AKAP7: variants seen among roughly 807,000 people sequenced by gnomAD.
The protein encoded by AKAP7 is A-kinase anchoring protein 7, also known as A kinase (PRKA) anchor protein 7.
AKAP7 carries 39 observed loss-of-function variants against 39.5 expected under a neutral mutation model. The observed-to-expected ratio is 0.99, with a 90% CI of 0.76 to 1.29. AKAP7 has a LOEUF of 1.29. Among genes scored for constraint, AKAP7 ranks in the 50% most tolerant of loss-of-function variants. The probability of loss-of-function intolerance (pLI) is 0.00; values close to 1 mark genes in which losing one functional copy is unlikely to be tolerated. For synonymous variants in AKAP7, 140 were observed against 139.1 expected (o/e 1.01, Z -0.05); for missense variants, 414 against 407.7 (o/e 1.02, Z -0.13).
intron 7 of AKAP7, among the ~76,000 whole-genome samples, chr6:131,256,133 C>T (rs1211384339): frequency 2.0e-5 from 3 of 152,170 alleles, no homozygotes; most frequent in Non-Finnish European, 4.4e-5. Context: ...CATCTGCTGC[C>T]CTCTTTCTGA....
chr6:131,266,704 TG>T (rs199655770), intron 7 of AKAP7, among the ~76,000 whole-genome samples: 18,934 of 149,744 alleles, frequency 0.13, 1,460 homozygotes, highest in East Asian at 0.25. Flanking sequence ...TTGTTGTTGT[TG>T]TTGTTTTTTA....
chr6:131,224,588 T>G (rs1433728429), intron 7 of AKAP7, among the ~76,000 whole-genome samples: 3 of 152,128 alleles, frequency 2.0e-5, no homozygotes, highest in Admixed American at 2.0e-4. Context: ...TTCCTATCTT[T>G]GTTAATGGTA....
intron 7 of AKAP7, among the ~76,000 whole-genome samples, chr6:131,238,172 T>A (rs975626643): frequency 2.6e-5 from 4 of 152,222 alleles, no homozygotes; most frequent in African/African-American, 9.6e-5. Flanking sequence ...TACCCAGTAG[T>A]CATTCAGGAG....
intron 5 of AKAP7, among the ~76,000 whole-genome samples, chr6:131,171,940 T>C (rs1242827025): frequency 6.6e-6 from 1 of 152,090 alleles, no homozygotes; most frequent in East Asian, 1.9e-4. Context: ...GGCTGAAGAT[T>C]AGAGTTAGTA....
intron 3 of AKAP7, among the ~76,000 whole-genome samples, chr6:131,160,910 A>G (rs1164195106): frequency 2.0e-5 from 3 of 152,314 alleles, no homozygotes; most frequent in African/African-American, 7.2e-5. Context: ...TCTCATTACA[A>G]CCACTGAAGC....
intron 7 of AKAP7, among the ~76,000 whole-genome samples, chr6:131,259,896 T>A (rs2128325445): frequency 6.6e-6 from 1 of 152,298 alleles, no homozygotes; most frequent in Non-Finnish European, 1.5e-5. Context: ...CATCAACCCA[T>A]CACCCAGGTA....
chr6:131,206,239 C>G (rs902299322), intron 6 of AKAP7, among the ~76,000 whole-genome samples: 1 of 152,160 alleles, frequency 6.6e-6, no homozygotes, highest in Non-Finnish European at 1.5e-5. Context: ...TGATTTATGA[C>G]TCTTTCAAAT....
rs536486381 is a variant in AKAP7 at position 131,259,410 on chromosome 6, C to G, written c.851-22120C>G. On this transcript the variant is annotated intron_variant, in intron 7 of 7. Transcript: ENST00000431975. ...CAAGAGGAAAGCTGAAGGACTCAGGCAGCTTAGCTGGGAGGAGAGAAGGTA... is the reference window on the plus strand; with the variant it reads ...CAAGAGGAAAGCTGAAGGACTCAGGGAGCTTAGCTGGGAGGAGAGAAGGTA... 7.9e-5 allele frequency among the ~76,000 whole-genome samples: 12 copies of G among 152,202 alleles called. No individual in the cohort carries two copies. In the South Asian group the frequency reaches 2.5e-3, roughly 32 times the overall value.
At chr6:131,242,251 T>C in intron 7 of AKAP7, 1 of 947,962 alleles carries the variant, frequency 1.1e-6, no homozygotes, top group Non-Finnish European at 1.3e-6. Context: ...AGTTTTATAT[T>C]TGGTACCAAA....
At chr6:131,237,909 G>T (rs1420683371) in intron 7 of AKAP7, among the ~76,000 whole-genome samples, 1 of 152,022 alleles carries the variant, frequency 6.6e-6, no homozygotes, top group African/African-American at 2.4e-5. Flanking sequence ...ATTTCCTTCA[G>T]TTCTGCTCTG....
chr6:131,233,079 CTT>C (rs1810761009), intron 7 of AKAP7, among the ~76,000 whole-genome samples: 4 of 151,658 alleles, frequency 2.6e-5, no homozygotes, highest in Non-Finnish European at 4.4e-5. Flanking sequence ...AAGATAAAAA[CTT>C]GGTTTAATTT....
chr6:131,207,517 T>TTTTTTTTTTTTTTTTTTTTA lies in AKAP7; in HGVS notation c.702+7944_702+7945insTTTTTTTTTTTTTTTTTTTA, dbSNP rs1367120493. On this transcript the variant is annotated intron_variant, in intron 6 of 7. Coordinates refer to ENST00000431975, the MANE Select transcript of AKAP7 (RefSeq NM_016377.4). ...TTTTTTTTTTTTTTTTTTTTTTTTTTAGATATGGGGTGTTGCTATGTTGCC... is the reference window on the plus strand; with the variant it reads ...TTTTTTTTTTTTTTTTTTTTTTTTTTTTTTTTTTTTTTTTTTTTTAAGATATGGGGTGTTGCTATGTTGCC... Among the ~76,000 whole-genome samples the TTTTTTTTTTTTTTTTTTTTA allele has an allele frequency of 2.1e-4, 30 of 141,656 alleles. 1 individual carries two copies. The highest frequency in any genetic ancestry group is 8.2e-4 in the African/African-American group (30 of 36,730). The allele number at this position is 141,656 out of a possible 152,430, so 92.9% of individuals were successfully genotyped here. A position where few individuals can be genotyped will look rare whatever the true frequency, so the allele number is the denominator to read the frequency against.
chr6:131,151,010 A>G (rs1374959577), intron 2 of AKAP7, among the ~76,000 whole-genome samples: 1 of 152,036 alleles, frequency 6.6e-6, no homozygotes, highest in Non-Finnish European at 1.5e-5. Flanking sequence ...ACATTGCTAA[A>G]TGCTTTACAT....
chr6:131,280,983 T>C (rs1300089100), intron 7 of AKAP7, among the ~76,000 whole-genome samples: 1 of 152,192 alleles, frequency 6.6e-6, no homozygotes, highest in Non-Finnish European at 1.5e-5. Flanking sequence ...AATATTAGTC[T>C]TACAAGCTTA....
At position 131,281,529 on chromosome 6, in the gene AKAP7, G is replaced by A; in HGVS notation, c.851-1G>A. 1.9e-6 allele frequency: 3 copies of A among 1,601,860 alleles called. No homozygotes were observed. Among genetic ancestry groups the A allele is most frequent in the Non-Finnish European group, 2.6e-6 (3 of 1,174,210 alleles). ...CCTCTCTTCTCTATTGTGGAATGTA[G>A]GTGAAAAGAACGGAGGGGAGCCCGA... is the stretch of plus-strand genomic sequence containing the variant. On this transcript the variant is annotated splice_acceptor_variant, in intron 7 of 7. Coordinates refer to ENST00000431975, the MANE Select transcript of AKAP7 (RefSeq NM_016377.4). LOFTEE classifies it high-confidence loss of function. This position sits in a 1 kb window ranked among gnomAD's most constrained non-coding sequence, Gnocchi z 4.0.
chr6:131,246,607 CTG>C (rs1812024101), intron 7 of AKAP7, among the ~76,000 whole-genome samples: 1 of 152,124 alleles, frequency 6.6e-6, no homozygotes, highest in East Asian at 1.9e-4. Flanking sequence ...AGGGGCCATT[CTG>C]CTATTTCTGT....
intron 6 of AKAP7, among the ~76,000 whole-genome samples, chr6:131,207,468 C>T (rs999370382): frequency 1.1e-4 from 16 of 139,768 alleles, no homozygotes; most frequent in African/African-American, 4.2e-4. Flanking sequence ...TACAGGTGTG[C>T]ACACCATGCC....
At chr6:131,159,653 G>C (rs1472210375) in intron 2 of AKAP7, among the ~76,000 whole-genome samples, 1 of 152,198 alleles carries the variant, frequency 6.6e-6, no homozygotes, top group African/African-American at 2.4e-5. Flanking sequence ...TACCCTAGAA[G>C]TTACAAACAT....
intron 1 of AKAP7, among the ~76,000 whole-genome samples, chr6:131,144,538 G>T (rs1477386291): frequency 1.3e-5 from 2 of 152,158 alleles, no homozygotes; most frequent in East Asian, 1.9e-4. Flanking sequence ...AAAGGCATGG[G>T]TTATAATGGC....
Sources: allele counts gnomAD v4.1 joint callset (sites outside exome capture counted in the v4.1 genomes callset), GRCh38; gene constraint gnomAD v4.1.1; non-coding constraint Gnocchi (gnomAD v3.1); transcripts MANE v1.5; gene names NCBI Gene and HGNC (gene_info 2026-07-23, HGNC 2026-07-21).